NHLRC3: variants seen among roughly 807,000 people sequenced by gnomAD.
NHLRC3 encodes NHL repeat containing 3.
In NHLRC3, 23 loss-of-function variants were observed where a neutral mutation model predicts 32.0. The ratio of observed to expected loss-of-function variants is 0.72; its 90% CI spans 0.52 to 1.02. The LOEUF (loss-of-function observed/expected upper bound fraction) is 1.02. Among genes scored for constraint, NHLRC3 ranks in the 50% least tolerant of loss-of-function variants. NHLRC3 has a pLI of 0.00. For missense variants in NHLRC3, 407 were observed against 406.8 expected, an observed-to-expected ratio of 1.00 and a Z score of -0.01; for synonymous variants, 159 against 147.9, an observed-to-expected ratio of 1.08 and a Z score of -0.55.
Position 39,039,554 on chromosome 13 carries a change from A to G in NHLRC3, c.238-10A>G. ...CTGATCCTAAGAAGTTATTTTTTGT[A>G]TACCTTCAGAGAGGGGATAACATCC... On this transcript the variant is annotated splice_polypyrimidine_tract_variant and intron_variant, in intron 2 of 6. Transcript: ENST00000379600. 1 of 1,602,050 alleles carries G rather than the reference A, an allele frequency of 6.2e-7. No individual in the cohort carries two copies. The highest frequency in any genetic ancestry group is 8.5e-7 in the Non-Finnish European group (1 of 1,171,470).
intron 3 of NHLRC3, chr13:39,041,784 T>C (rs1456948810): frequency 4.0e-6 from 1 of 251,052 alleles, no homozygotes; most frequent in East Asian, 9.6e-5. Flanking sequence ...TTATTCAAGG[T>C]CATAAGATTA....
At chr13:39,039,086 G>GTTTTT in intron 1 of NHLRC3, 50 bp from the exon 2 acceptor site, 4 of 387,962 alleles carry the variant, frequency 1.0e-5, no homozygotes, top group East Asian at 6.6e-5. Context: ...CCCTTTTTTT[G>GTTTTT]TTCTTACCTA....
chr13:39,043,989 G>T lies in NHLRC3; in HGVS notation c.587-101G>T, dbSNP rs773898641. The T allele has an allele frequency of 2.3e-5, 19 of 815,932 alleles. No individual in the cohort carries two copies. The East Asian group carries it at 2.7e-4, about 12-fold the overall frequency. 50.5% of individuals were successfully genotyped at this position (815,932 alleles called of 1,614,324 possible). On this transcript the variant is annotated intron_variant, in intron 4 of 6. Transcript: ENST00000379600. ...CGAGAAAGCATAGTCAAGTGAACCA[G>T]CGGTGTAATTAAATAGTTCTTTGTA...
intron 5 of NHLRC3, among the ~76,000 whole-genome samples, chr13:39,045,483 ATTCTG>A (rs2138156042): frequency 6.6e-6 from 1 of 152,314 alleles, no homozygotes; most frequent in African/African-American, 2.4e-5. Flanking sequence ...AACAATAGCA[ATTCTG>A]TTCTGAGCAT....
At chr13:39,047,572 G>A in intron 6 of NHLRC3, 102 bp from the exon 7 acceptor site, 1 of 777,492 alleles carries the variant, frequency 1.3e-6, no homozygotes, top group Non-Finnish European at 2.1e-6. Context: ...CAGCAAGTAG[G>A]TGCCTACTGT....
At chr13:39,039,368 A>T in intron 2 of NHLRC3, 80 bp downstream of exon 2, 1 of 1,203,390 alleles carries the variant, frequency 8.3e-7, no homozygotes. Flanking sequence ...AACTGACCAT[A>T]TGCGTTTATA....
rs1234045390 is a variant in NHLRC3 at position 39,048,148 on chromosome 13, A to C, written c.*222A>C. ...ATATTTTAATGAAAGGAAAGTAACT[A>C]AAAAATGGGGTTGGGAAGAGGGACT... is the stretch of plus-strand genomic sequence containing the variant. On this transcript the variant is annotated 3_prime_UTR_variant, in exon 7 of 7. Coordinates refer to ENST00000379600, the MANE Select transcript of NHLRC3 (RefSeq NM_001012754.4). The C allele has an allele frequency of 3.3e-5, 14 of 418,430 alleles. No individual in the cohort carries two copies. The East Asian group carries it at 5.6e-4, about 17-fold the overall frequency. The allele number at this position is 418,430 out of a possible 1,614,324, so 25.9% of individuals were successfully genotyped here.
intron 1 of NHLRC3, 137 bp downstream of exon 1, chr13:39,038,860 C>A: frequency 1.3e-6 from 1 of 770,442 alleles, no homozygotes; most frequent in Admixed American, 2.2e-5. Flanking sequence ...TGGGTCCAAA[C>A]TGCCTTGACC....
rs201339419 is a variant in NHLRC3 at position 39,047,111 on chromosome 13, A to G, written c.750A>G (p.Ala250=). The G allele has an allele frequency of 3.5e-5, 56 of 1,611,774 alleles. No individual in the cohort carries two copies. The Middle Eastern group carries it at 3.0e-3, about 86-fold the overall frequency. Residue 250 remains alanine (A), a synonymous_variant, in exon 6 of 7, where the codon GCA becomes GCG. Transcript: ENST00000379600. ...AAGACACTGGGGAGTGGTTAGGAGC[A>G]TGGAATAATTGTTTCACAGAAGAGG... The part of the protein sequence containing the change: ...FDKDTGEWLG[A]WNNCFTEEGP...
intron 3 of NHLRC3, chr13:39,040,382 A>G (rs1871422544): frequency 6.6e-6 from 1 of 152,176 alleles, no homozygotes; most frequent in Non-Finnish European, 1.5e-5. Context: ...TTCCTTTTCC[A>G]GTTTTCTTTC....
chr13:39,039,685 C>G lies in NHLRC3; in HGVS notation c.359C>G (p.Ser120Cys), dbSNP rs139647635. ...IFAASTLYEQ[S>C]VWITDVGSGF... ...GCAGCCAGTACTCTATATGAACAAT[C>G]CGTCTGGATCACGGATGTAGGAAGT... The change falls in exon 3 of 7, where the codon TCC (serine) becomes TGC (cysteine). Residue 120 changes from serine to cysteine, a missense_variant. Transcript: ENST00000379600. 6.2e-7 allele frequency: 1 copy of G among 1,612,350 alleles called. No homozygotes were observed. The highest frequency in any genetic ancestry group is 1.3e-5 in the African/African-American group (1 of 74,878).
Position 39,046,161 on chromosome 13 carries a change from C to CA in NHLRC3, c.679-872dup, listed in dbSNP as rs1335178976. ...TGAAACCCCATCTCTACTAAAAATA[C>CA]AAAAAAATTAGCCGGGCGTGGTGGC... On this transcript the variant is annotated intron_variant, in intron 5 of 6. Transcript: ENST00000379600. 4.6e-5 allele frequency among the ~76,000 whole-genome samples: 7 copies of CA among 151,994 alleles called. No homozygotes were observed. The East Asian group carries it at 1.2e-3, about 25-fold the overall frequency.
intron 3 of NHLRC3, chr13:39,041,773 C>T: frequency 4.4e-6 from 1 of 226,222 alleles, no homozygotes; most frequent in Non-Finnish European, 8.7e-6. Flanking sequence ...ATAAGCAATG[C>T]TTATTCAAGG....
intron 5 of NHLRC3, chr13:39,044,413 G>T: frequency 2.3e-6 from 1 of 433,146 alleles, no homozygotes; most frequent in Non-Finnish European, 4.0e-6. Flanking sequence ...ATAGTGAGGG[G>T]GTTCCCCAAA....
In NHLRC3 at chr13:39,039,403, T is replaced by C. The variant is rs1593549150; in HGVS notation, c.237+115T>C. 3 of 1,094,166 alleles carry C rather than the reference T, an allele frequency of 2.7e-6. No homozygotes were observed. In the East Asian group the frequency reaches 7.3e-5, roughly 27 times the overall value. The allele number at this position is 1,094,166 out of a possible 1,614,324, so 67.8% of individuals were successfully genotyped here. On this transcript the variant is annotated intron_variant, in intron 2 of 6. Transcript: ENST00000379600. ...ATCATGCTAATTGTGCAATTTATTT[T>C]TGAGTTGGTCTCAAGTATTTTGGTT...
chr13:39,048,085 C>A lies in NHLRC3; in HGVS notation c.*159C>A. ...TCATTAAGAATCTTATATTTTGTTGCCCTCTTGGGACTTAGTTTTATTTGT... is the reference window on the plus strand; with the variant it reads ...TCATTAAGAATCTTATATTTTGTTGACCTCTTGGGACTTAGTTTTATTTGT... On this transcript the variant is annotated 3_prime_UTR_variant, in exon 7 of 7. Coordinates refer to ENST00000379600, the MANE Select transcript of NHLRC3 (RefSeq NM_001012754.4). 1.6e-6 allele frequency: 1 copy of A among 623,916 alleles called. No individual in the cohort carries two copies. Among genetic ancestry groups the A allele is most frequent in the Non-Finnish European group, 2.7e-6 (1 of 371,848 alleles). The allele number at this position is 623,916 out of a possible 1,614,324, so 38.6% of individuals were successfully genotyped here.
intron 4 of NHLRC3, among the ~76,000 whole-genome samples, chr13:39,042,527 A>C (rs1871507111): frequency 6.6e-6 from 1 of 152,124 alleles, no homozygotes; most frequent in South Asian, 2.1e-4. Flanking sequence ...TTCCTCCAAA[A>C]GTAACTGGCA....
At chr13:39,043,221 T>C (rs1162725018) in intron 4 of NHLRC3, among the ~76,000 whole-genome samples, 8 of 152,068 alleles carry the variant, frequency 5.3e-5, no homozygotes, top group Non-Finnish European at 1.0e-4. Flanking sequence ...ATCCAAAAAA[T>C]TGAATGAAAG....
chr13:39,039,092 ACCTAGACGGT>A, intron 1 of NHLRC3, 34 bp from the exon 2 acceptor site: 1 of 707,510 alleles, frequency 1.4e-6, no homozygotes, highest in Non-Finnish European at 2.0e-6. Context: ...TTTTGTTCTT[ACCTAGACGGT>A]AAACTAAATC....
Sources: gnomAD v4.1 joint callset for allele counts (sites outside exome capture counted in the v4.1 genomes callset) on GRCh38, gnomAD v4.1.1 for gene constraint, MANE v1.5 for transcripts, NCBI Gene and HGNC (gene_info 2026-07-23, HGNC 2026-07-21) for gene names.